The following CCNB3 variants were observed in gnomAD, a reference collection of about 807,000 sequenced individuals.
The protein encoded by CCNB3 is G2/mitotic-specific cyclin-B3.
A neutral mutation model predicts 68.0 loss-of-function variants in CCNB3; 12 were observed. That is an observed-to-expected ratio of 0.18 (90% CI 0.11 to 0.29). The LOEUF is 0.29. Ranked by LOEUF, CCNB3 falls within the 10% of genes least tolerant of loss-of-function variation. CCNB3 has a pLI of 1.00. For missense variants in CCNB3, 904 were observed against 993.1 expected (o/e 0.91, Z 1.21); for synonymous variants, 354 against 388.9 (o/e 0.91, Z 1.06).
intron 8 of CCNB3, among the ~76,000 whole-genome samples, chrX:50,332,439 C>G (rs59627631): frequency 0.11 from 12,810 of 111,450 alleles, 1,785 homozygotes; most frequent in African/African-American, 0.4. Context: ...TATACACTGA[C>G]AGCAGTCCTC....
chrX:50,279,327 A>G (rs1391781617), intron 1 of CCNB3, among the ~76,000 whole-genome samples: 1 of 72,818 alleles, frequency 1.4e-5, no homozygotes, highest in Non-Finnish European at 2.3e-5. Context: ...ATATATTTAA[A>G]TATATATGAA....
intron 8 of CCNB3, among the ~76,000 whole-genome samples, chrX:50,339,207 TG>T (rs1923001125): frequency 8.9e-6 from 1 of 112,120 alleles, no homozygotes; most frequent in African/African-American, 3.2e-5. Context: ...GGGCATAGCT[TG>T]GTTTTATGCA....
chrX:50,281,087 A>G (rs1936128355), intron 1 of CCNB3, among the ~76,000 whole-genome samples: 1 of 110,636 alleles, frequency 9.0e-6, no homozygotes, highest in South Asian at 3.9e-4. Flanking sequence ...AAGAGACCCG[A>G]TACTCCCTGC....
intron 8 of CCNB3, among the ~76,000 whole-genome samples, chrX:50,341,253 C>G (rs1214628243): frequency 9.2e-6 from 1 of 109,049 alleles, no homozygotes; most frequent in East Asian, 2.9e-4. Context: ...TGGCGTGAAC[C>G]CGGGAGGCGG....
intron 8 of CCNB3, among the ~76,000 whole-genome samples, chrX:50,328,055 A>G (rs1922384384): frequency 9.0e-6 from 1 of 111,414 alleles, no homozygotes; most frequent in African/African-American, 3.3e-5. Flanking sequence ...TAGAAGCTAG[A>G]AAAAAAAGAA....
rs1450379306 is a variant in CCNB3 at position 50,308,802 on chromosome X, G to T, written c.633G>T (p.Met211Ile). Residue 211 changes from methionine to isoleucine, a missense_variant, in exon 6 of 13, where the codon ATG becomes ATT. Met to Ile is a conservative substitution (Grantham distance 10). Coordinates refer to ENST00000376042, the MANE Select transcript of CCNB3 (RefSeq NM_033031.3). ...DSDDAFVIEPMTFKKTHKTEE... is the reference protein window; with the variant it reads ...DSDDAFVIEPITFKKTHKTEE... ...ATGATGCGTTTGTTATAGAGCCAAT[G>T]ACTTTTAAGAAGACACATAAAACTG... is the stretch of plus-strand genomic sequence containing the variant. 3 of 1,209,936 alleles carry T rather than the reference G, an allele frequency of 2.5e-6. No homozygotes were observed. In the Admixed American group the frequency reaches 6.6e-5, roughly 26 times the overall value.
At chrX:50,227,270 C>CAGAATATATATATAAATATATATAT (rs1935883197) in intron 1 of CCNB3, among the ~76,000 whole-genome samples, 1 of 67,335 alleles carries the variant, frequency 1.5e-5, no homozygotes, top group Non-Finnish European at 2.6e-5. Context: ...AATATATATA[C>CAGAATATATATATAAATATATATAT]AGAATATATA....
rs782014384 is a variant in CCNB3, at chrX:50,342,184, G to A, written c.3517-18G>A. The A allele has an allele frequency of 2.7e-5, 33 of 1,204,821 alleles. No individual in the cohort carries two copies. The highest frequency in any genetic ancestry group is 3.1e-5 in the Non-Finnish European group (28 of 892,043). On this transcript the variant is annotated intron_variant, in intron 8 of 12. Coordinates refer to ENST00000376042, the MANE Select transcript of CCNB3 (RefSeq NM_033031.3). ...GCTGGACAATATGCAGATCTGTGTC[G>A]TGTGTGTGTTCCTCCAGGTGTCCTT... is the stretch of plus-strand genomic sequence containing the variant.
chrX:50,280,208 A>G (rs1216061194), intron 1 of CCNB3, among the ~76,000 whole-genome samples: 4 of 80,168 alleles, frequency 5.0e-5, no homozygotes, highest in African/African-American at 1.9e-4. Context: ...ATATAAATAT[A>G]TTTTTAGAAT....
chrX:50,203,495 A>C (rs1935298276), upstream of CCNB3, among the ~76,000 whole-genome samples: 1 of 112,149 alleles, frequency 8.9e-6, no homozygotes, highest in African/African-American at 3.2e-5. Context: ...AATTGGGAAC[A>C]CCACTTCTTT....
chrX:50,351,515 A>G, intron 12 of CCNB3, 92 bp from the exon 13 acceptor site: 1 of 1,038,066 alleles, frequency 9.6e-7, no homozygotes, highest in Non-Finnish European at 1.3e-6. Flanking sequence ...AAAGCAAGAT[A>G]GGAAACTAAG....
chrX:50,280,870 C>T (rs1406253152), intron 1 of CCNB3, among the ~76,000 whole-genome samples: 12 of 110,679 alleles, frequency 1.1e-4, no homozygotes, highest in African/African-American at 3.9e-4. Context: ...AGTGATCCTA[C>T]CACCTCAGCC....
intron 8 of CCNB3, among the ~76,000 whole-genome samples, chrX:50,332,242 CA>C (rs781807217): frequency 9.0e-6 from 1 of 111,240 alleles, no homozygotes; most frequent in East Asian, 2.8e-4. Flanking sequence ...AATCTTATTT[CA>C]AAAACTGTGG....
At position 50,281,221 on chromosome X, in the gene CCNB3, C is replaced by T. The variant is rs866867162; in HGVS notation, c.-112-3321C>T. ...CCCTTCCTGTTAGGCTTTCGCGTGT[C>T]GCAGCTGTGCACGCTGATTGGTCCT... On this transcript the variant is annotated intron_variant, in intron 1 of 12. Coordinates refer to ENST00000376042, the MANE Select transcript of CCNB3 (RefSeq NM_033031.3). Among the ~76,000 whole-genome samples the T allele has an allele frequency of 8.1e-3, 902 of 111,586 alleles. 17 individuals carry two copies. The highest frequency in any genetic ancestry group is 0.028 in the African/African-American group (865 of 30,770).
In CCNB3 at chrX:50,227,162, A is replaced by AAT. The variant is rs1411668358; in HGVS notation, c.-113+22222_-113+22223dup. ...TAGAATATATATACAATATATGTAG[A>AAT]ATATATATATAGAATATAAGTATAA... On this transcript the variant is annotated intron_variant, in intron 1 of 12. Coordinates refer to ENST00000376042, the MANE Select transcript of CCNB3 (RefSeq NM_033031.3). Among the ~76,000 whole-genome samples, 7 of 82,072 alleles carry AAT rather than the reference A, an allele frequency of 8.5e-5. No homozygotes were observed. The South Asian group carries it at 3.3e-3, about 39-fold the overall frequency. 71.3% of individuals were successfully genotyped at this position (82,072 alleles called of 115,157 possible).
In CCNB3 at chrX:50,310,712, C is replaced by T; in HGVS notation, c.2543C>T (p.Pro848Leu). The stretch of plus-strand genomic sequence containing the variant: ...GAGAAGGAGGCTGTCCTCAAGGAGC[C>T]CAGTGTTGACACAGAAGCTCACTTT... ...STEKEAVLKEPSVDTEAHFKE... is the reference protein window; with the variant it reads ...STEKEAVLKELSVDTEAHFKE... Residue 848 changes from proline to leucine, a missense_variant, in exon 6 of 13, where the codon CCC (proline) becomes CTC (leucine). By Grantham distance (98) the Pro-to-Leu change is moderately conservative (BLOSUM62 -3). Around this residue, in one of 2 missense-constraint regions of CCNB3, gnomAD observed 619 missense variants for 609.8 expected, o/e 1.02. Transcript: ENST00000376042. 1 of 1,209,692 alleles carries T rather than the reference C, an allele frequency of 8.3e-7. No individual in the cohort carries two copies. The highest frequency in any genetic ancestry group is 2.2e-5 in the Admixed American group (1 of 45,741).
chrX:50,224,242 C>A (rs1167630708), intron 1 of CCNB3, among the ~76,000 whole-genome samples: 1 of 110,955 alleles, frequency 9.0e-6, no homozygotes, highest in African/African-American at 3.3e-5. Flanking sequence ...CTTGGATCCA[C>A]CTGTAATATA....
At position 50,310,105 on chromosome X, in the gene CCNB3, C is replaced by T. The variant is rs1557214440; in HGVS notation, c.1936C>T (p.His646Tyr). Residue 646 changes from histidine (H) to tyrosine (Y), a missense_variant, in exon 6 of 13, where the codon CAT (histidine) becomes TAT (tyrosine). Coordinates refer to ENST00000376042, the MANE Select transcript of CCNB3 (RefSeq NM_033031.3). ...SQEPSALKEK[H>Y]TTLQEVSLSK... Reference sequence around the variant, plus strand: ...GGAACCATCTGCATTGAAAGAGAAGCATACCACCTTGCAGGAAGTGTCCCT... The same window carrying T: ...GGAACCATCTGCATTGAAAGAGAAGTATACCACCTTGCAGGAAGTGTCCCT... The T allele has an allele frequency of 8.3e-7, 1 of 1,211,131 alleles. No homozygotes were observed. Among genetic ancestry groups the T allele is most frequent in the Non-Finnish European group, 1.1e-6 (1 of 894,987 alleles).
intron 5 of CCNB3, among the ~76,000 whole-genome samples, chrX:50,299,980 T>G (rs1557212151): frequency 9.0e-6 from 1 of 111,608 alleles, no homozygotes; most frequent in East Asian, 2.8e-4. Flanking sequence ...GTTTTCCATT[T>G]GCTTGGTAGA....
Sources: gnomAD v4.1 joint callset for allele counts (sites outside exome capture counted in the v4.1 genomes callset) on GRCh38, gnomAD v4.1.1 for gene constraint, gnomAD v4.1.1 regional missense constraint, MANE v1.5 for transcripts, NCBI Gene and HGNC (gene_info 2026-07-23, HGNC 2026-07-21) for gene names.